NUAK2: variants seen among roughly 807,000 people sequenced by gnomAD.
NUAK2 encodes NUAK family SNF1-like kinase 2.
Under a neutral mutation model 29.8 loss-of-function variants are expected in NUAK2, and 20 were observed. That is an observed-to-expected ratio of 0.67 (90% CI 0.47 to 0.98). The LOEUF (loss-of-function observed/expected upper bound fraction) is 0.98, where lower values mean the gene tolerates loss of function less well. Ranked by LOEUF, NUAK2 falls within the 50% of genes least tolerant of loss-of-function variation. The pLI is 0.00. For missense variants in NUAK2, 719 were observed against 834.5 expected, an observed-to-expected ratio of 0.86 and a Z score of 1.71; for synonymous variants, 331 against 342.6, an observed-to-expected ratio of 0.97 and a Z score of 0.37.
In NUAK2 at chr1:205,321,457, TC is replaced by T; in HGVS notation, c.171del (p.Thr58ProfsTer10). 6.2e-7 allele frequency: 1 copy of T among 1,613,902 alleles called. No homozygotes were observed. Among genetic ancestry groups the T allele is most frequent in the Non-Finnish European group, 8.5e-7 (1 of 1,179,858 alleles). On this transcript the variant is annotated frameshift_variant, in exon 1 of 7. Coordinates refer to ENST00000367157, the MANE Select transcript of NUAK2 (RefSeq NM_030952.3). LOFTEE classifies it high-confidence loss of function. ...TTCCCGTAGGTGCCTTTGCCCAGGG[TC>T]TCCAGGAACTCGTAGCGGTGCCGCA... ...HNLRHRYEFL[E>X]TLGKGTYGKV...
chr1:205,320,115 C>G (rs148351797), intron 1 of NUAK2, among the ~76,000 whole-genome samples: 1 of 152,218 alleles, frequency 6.6e-6, no homozygotes, highest in Non-Finnish European at 1.5e-5. Flanking sequence ...TTTAAACAAA[C>G]ATCCCAGGTG....
Position 205,303,920 on chromosome 1 carries a change from C to A in NUAK2, c.1417G>T (p.Asp473Tyr), listed in dbSNP as rs758213146. 1.2e-6 allele frequency: 2 copies of A among 1,614,066 alleles called. No individual in the cohort carries two copies. Among genetic ancestry groups the A allele is most frequent in the Admixed American group, 3.3e-5 (2 of 60,022 alleles). ...CCACTCACAAACACGTCGCCTGCGT[C>A]CAAGAGCTCCCCAGATTCACTGGGC... Reference protein sequence around the residue: ...PEPSESGELLDAGDVFVSGDP... With the variant: ...PEPSESGELLYAGDVFVSGDP... Residue 473 changes from aspartate (D) to tyrosine (Y), a missense_variant, in exon 7 of 7, where the codon GAC becomes TAC. This residue lies in a region of NUAK2 where 430 missense variants were observed against 465.7 expected (regional missense o/e 0.92). Coordinates refer to ENST00000367157, the MANE Select transcript of NUAK2 (RefSeq NM_030952.3).
At chr1:205,311,595 A>G in intron 2 of NUAK2, 110 bp downstream of exon 2, 1 of 1,411,986 alleles carries the variant, frequency 7.1e-7, no homozygotes, top group Non-Finnish European at 9.8e-7. Context: ...TAGAGCCTAT[A>G]TTTTTTTTAC....
At chr1:205,316,573 A>G (rs778260476) in intron 1 of NUAK2, among the ~76,000 whole-genome samples, 4 of 152,210 alleles carry the variant, frequency 2.6e-5, no homozygotes, top group Non-Finnish European at 5.9e-5. Context: ...AGGGGCAACA[A>G]GGGCATTCCA....
chr1:205,319,805 T>C (rs1198653331), intron 1 of NUAK2, among the ~76,000 whole-genome samples: 1 of 152,164 alleles, frequency 6.6e-6, no homozygotes, highest in African/African-American at 2.4e-5. Context: ...TACCCCTTTC[T>C]CCAACATCCA....
rs748319580 is a variant in NUAK2 at position 205,308,151 on chromosome 1, G to T, written c.570+14C>A. ...TGGGCAAGGAGGCTTCTAGAAATAA[G>T]AAGTGGGACTCACCTTGATATTCCC... On this transcript the variant is annotated intron_variant, in intron 4 of 6. Transcript: ENST00000367157. This position sits in a 1 kb window ranked among gnomAD's most constrained non-coding sequence, Gnocchi z 4.1. 5.1e-6 allele frequency: 8 copies of T among 1,580,688 alleles called. No individual in the cohort carries two copies. The highest frequency in any genetic ancestry group is 6.1e-6 in the Non-Finnish European group (7 of 1,153,700).
chr1:205,313,512 C>G (rs977025273), intron 1 of NUAK2, among the ~76,000 whole-genome samples: 1 of 152,204 alleles, frequency 6.6e-6, no homozygotes. Flanking sequence ...GTCTCGGTCC[C>G]TCTCTGCTCC....
At position 205,308,262 on chromosome 1, in the gene NUAK2, TC is replaced by T; in HGVS notation, c.505-33del. On this transcript the variant is annotated intron_variant, in intron 3 of 6. Transcript: ENST00000367157. The surrounding 1 kb of genome is among the most constrained non-coding windows in gnomAD (Gnocchi z 4.1). ...GAAGGAGAGGGCAGTCACGGGAAGG[TC>T]ACCAGGGAAGGGAAGATGATGAGGG... 10 of 1,530,938 alleles carry T rather than the reference TC, an allele frequency of 6.5e-6. No homozygotes were observed. Among genetic ancestry groups the T allele is most frequent in the Non-Finnish European group, 8.9e-6 (10 of 1,124,908 alleles). The allele number at this position is 1,530,938 out of a possible 1,614,324, so 94.8% of individuals were successfully genotyped here. A position where few individuals can be genotyped will look rare whatever the true frequency, so the allele number is the denominator to read the frequency against.
intron 2 of NUAK2, among the ~76,000 whole-genome samples, chr1:205,310,700 A>C (rs1662245627): frequency 6.6e-6 from 1 of 152,066 alleles, no homozygotes; most frequent in Non-Finnish European, 1.5e-5. Flanking sequence ...ATACACACAC[A>C]CACCCCAATC....
intron 2 of NUAK2, among the ~76,000 whole-genome samples, chr1:205,311,062 C>A (rs996631348): frequency 1.3e-5 from 2 of 152,138 alleles, no homozygotes; most frequent in African/African-American, 4.8e-5. Flanking sequence ...GAGAGGGCTC[C>A]CCATCTTTCC....
intron 1 of NUAK2, among the ~76,000 whole-genome samples, chr1:205,315,118 C>T (rs895218491): frequency 3.9e-5 from 6 of 152,262 alleles, no homozygotes; most frequent in Non-Finnish European, 8.8e-5. Context: ...TATTAGGTCC[C>T]AGGAGATCAC....
At chr1:205,309,825 G>A (rs908159908) in intron 2 of NUAK2, among the ~76,000 whole-genome samples, 2 of 152,170 alleles carry the variant, frequency 1.3e-5, no homozygotes, top group African/African-American at 4.8e-5. Flanking sequence ...TCATGCATAA[G>A]GCCTTGTACA....
chr1:205,302,404 T>A lies in NUAK2; in HGVS notation c.*1046A>T, dbSNP rs1336232823. 6.6e-6 allele frequency: 1 copy of A among 152,622 alleles called. No individual in the cohort carries two copies. The highest frequency in any genetic ancestry group is 1.5e-5 in the Non-Finnish European group (1 of 68,076). The allele number at this position is 152,622 out of a possible 1,614,324, so 9.5% of individuals were successfully genotyped here. A position where few individuals can be genotyped will look rare whatever the true frequency, so the allele number is the denominator to read the frequency against. On this transcript the variant is annotated 3_prime_UTR_variant, in exon 7 of 7. Coordinates refer to ENST00000367157, the MANE Select transcript of NUAK2 (RefSeq NM_030952.3). ...GCAGCTTAGAGGCAGAAGTTCTGAG[T>A]CACTGAGGTCCAAGGTGGAGTCCAG... is the stretch of plus-strand genomic sequence containing the variant.
At position 205,321,581 on chromosome 1, in the gene NUAK2, G is replaced by C; in HGVS notation, c.48C>G (p.Ala16=). 1 of 1,613,076 alleles carries C rather than the reference G, an allele frequency of 6.2e-7. No homozygotes were observed. The highest frequency in any genetic ancestry group is 8.5e-7 in the Non-Finnish European group (1 of 1,179,844). The change falls in exon 1 of 7, where the codon GCC becomes GCG. Residue 16 remains alanine, a synonymous_variant. Coordinates refer to ENST00000367157, the MANE Select transcript of NUAK2 (RefSeq NM_030952.3). ...CCGCCAGCGGCCGGGCTAGCTCTGC[G>C]GCCGAGGGAGTGGGGCCGGAGCGCC... ...FARRSGPTPS[A]AELARPLAEG... is the part of the protein sequence containing the mutation.
intron 1 of NUAK2, among the ~76,000 whole-genome samples, chr1:205,319,953 C>CACACACA (rs1289345353): frequency 0.08 from 11,929 of 149,332 alleles, 552 homozygotes; most frequent in African/African-American, 0.092. Flanking sequence ...ACACACACAC[C>CACACACA]CCCTCACAAC....
In NUAK2 at chr1:205,311,865, C is replaced by T. The variant is rs750266583; in HGVS notation, c.232-40G>A. The T allele has an allele frequency of 4.3e-6, 7 of 1,610,628 alleles. No individual in the cohort carries two copies. In the South Asian group the frequency reaches 7.7e-5, roughly 18 times the overall value. ...CATGAGAGTGAGGAGAAAGGTTTGG[C>T]AGAGGACACTCTGGGGGCCCTGGTC... On this transcript the variant is annotated intron_variant, in intron 1 of 6. Coordinates refer to ENST00000367157, the MANE Select transcript of NUAK2 (RefSeq NM_030952.3).
At chr1:205,315,644 G>A (rs551627607) in intron 1 of NUAK2, among the ~76,000 whole-genome samples, 94 of 152,224 alleles carry the variant, frequency 6.2e-4, no homozygotes, top group African/African-American at 2.2e-3. Context: ...AGACCGAGGC[G>A]GGCAAATCAC....
Position 205,304,423 on chromosome 1 carries a change from C to T in NUAK2, c.914G>A (p.Trp305Ter). The change falls in exon 7 of 7, where the codon TGG (tryptophan) becomes TAG (stop). Residue 305 changes from tryptophan to a stop codon, truncating the protein, a stop_gained. Transcript: ENST00000367157. LOFTEE classifies it low-confidence loss of function (END_TRUNC). The surrounding 1 kb of genome is among the most constrained non-coding windows in gnomAD (Gnocchi z 6.5). ...EDVASHWWVN[W>*]GYATRVGEQE... ...CTCTCCCACTCGGGTGGCGTAGCCC[C>T]AGTTGACCCACCAGTGACTGGCCAC... The T allele has an allele frequency of 6.3e-7, 1 of 1,590,794 alleles. No homozygotes were observed. The highest frequency in any genetic ancestry group is 8.6e-7 in the Non-Finnish European group (1 of 1,166,874).
chr1:205,306,515 TC>T (rs1662183406), intron 4 of NUAK2, among the ~76,000 whole-genome samples: 1 of 152,106 alleles, frequency 6.6e-6, no homozygotes, highest in Non-Finnish European at 1.5e-5. Flanking sequence ...ATAAGGAGCA[TC>T]TAGACAGAGC....
Sources: allele counts gnomAD v4.1 joint callset (sites outside exome capture counted in the v4.1 genomes callset), GRCh38; gene constraint gnomAD v4.1.1; regional missense constraint gnomAD v4.1.1; non-coding constraint Gnocchi (gnomAD v3.1); transcripts MANE v1.5; gene names NCBI Gene and HGNC (gene_info 2026-07-23, HGNC 2026-07-21).